Variants in PREX1 observed in about 807,000 individuals in gnomAD.
PREX1 encodes phosphatidylinositol 3,4,5-trisphosphate-dependent Rac exchanger 1 protein.
A neutral mutation model predicts 198.3 loss-of-function variants in PREX1; 41 were observed. The observed-to-expected ratio is 0.21, with a 90% CI of 0.16 to 0.27. The LOEUF is 0.27. Among genes scored for constraint, PREX1 ranks in the 10% least tolerant of loss-of-function variants. The pLI is 1.00. For missense variants in PREX1, 1,620 were observed against 2,200.7 expected, an observed-to-expected ratio of 0.74 and a Z score of 5.28; for synonymous variants, 843 against 887.2, an observed-to-expected ratio of 0.95 and a Z score of 0.89.
the PREX1 span, among the ~76,000 whole-genome samples, chr20:48,872,816 C>T: frequency 8.0e-4 from 122 of 152,158 alleles, 1 homozygote; most frequent in Non-Finnish European, 6.8e-4. Context: ...GGAAGGACAA[C>T]CTGTTCAAAC....
rs2090516053 is a variant in PREX1 at position 48,827,710 on chromosome 20, G to A, written c.151C>T (p.Leu51Phe). The A allele has an allele frequency of 1.5e-6, 2 of 1,374,994 alleles. No individual in the cohort carries two copies. Among genetic ancestry groups the A allele is most frequent in the South Asian group, 1.7e-5 (1 of 57,264 alleles). The allele number at this position is 1,374,994 out of a possible 1,614,324, so 85.2% of individuals were successfully genotyped here. The change falls in exon 1 of 40, where the codon CTC becomes TTC. Residue 51 changes from leucine (L) to phenylalanine (F), a missense_variant. Transcript: ENST00000371941. This position sits in a 1 kb window ranked among gnomAD's most constrained non-coding sequence, Gnocchi z 4.1. ...RESERQLRLR[L>F]CVLNEILGTE... ...CCCAAGATCTCGTTGAGGACGCAGA[G>A]GCGGAGGCGCAGCTGGCGCTCGGAC...
At chr20:48,696,350 T>C (rs2089845491) in intron 7 of PREX1, among the ~76,000 whole-genome samples, 1 of 152,244 alleles carries the variant, frequency 6.6e-6, no homozygotes, top group South Asian at 2.1e-4. Flanking sequence ...TTTATTGTAC[T>C]GCATTGGTGT....
chr20:48,756,313 T>C (rs1264762760), intron 1 of PREX1, among the ~76,000 whole-genome samples: 1 of 152,102 alleles, frequency 6.6e-6, no homozygotes, highest in African/African-American at 2.4e-5. Flanking sequence ...CTTCATCACG[T>C]CCATGCCAGG....
At chr20:48,770,137 G>A (rs952338989) in intron 1 of PREX1, among the ~76,000 whole-genome samples, 3 of 152,218 alleles carry the variant, frequency 2.0e-5, no homozygotes, top group African/African-American at 7.2e-5. Flanking sequence ...AAAGCCAGGT[G>A]GGAGCCATCT....
intron 1 of PREX1, among the ~76,000 whole-genome samples, chr20:48,789,098 T>C (rs1216133193): frequency 3.3e-5 from 5 of 152,180 alleles, no homozygotes; most frequent in African/African-American, 1.2e-4. Context: ...ACTCACACAT[T>C]GAGCCCCACC....
At chr20:48,672,675 T>G (rs2089684011) in intron 14 of PREX1, among the ~76,000 whole-genome samples, 1 of 152,236 alleles carries the variant, frequency 6.6e-6, no homozygotes, top group Non-Finnish European at 1.5e-5. Context: ...CCTAAGAGCC[T>G]CTGAGCTGCT....
chr20:48,699,848 C>T (rs1180859674), intron 7 of PREX1, among the ~76,000 whole-genome samples: 1 of 152,196 alleles, frequency 6.6e-6, no homozygotes. Flanking sequence ...CACATGCCCC[C>T]AGCTTTCCAT....
chr20:48,733,230 A>G (rs1204267929), intron 4 of PREX1, among the ~76,000 whole-genome samples: 1 of 152,244 alleles, frequency 6.6e-6, no homozygotes, highest in Non-Finnish European at 1.5e-5. Context: ...TGCAAATGCA[A>G]ATATACCCAG....
At chr20:48,649,855 G>T in intron 24 of PREX1, 141 bp downstream of exon 24, 2 of 1,038,086 alleles carry the variant, frequency 1.9e-6, no homozygotes, top group Non-Finnish European at 2.8e-6. Flanking sequence ...TAGAGATGCT[G>T]TCCCATAAAG....
chr20:48,656,617 G>T, intron 18 of PREX1: 1 of 450,308 alleles, frequency 2.2e-6, no homozygotes, highest in Non-Finnish European at 4.5e-6. Flanking sequence ...CATCTGCTTC[G>T]GGTCTTCACC....
chr20:48,794,994 C>A (rs1220756585), intron 1 of PREX1, among the ~76,000 whole-genome samples: 2 of 152,136 alleles, frequency 1.3e-5, no homozygotes, highest in Non-Finnish European at 2.9e-5. Context: ...ACTATTATTG[C>A]AAAATGTCAC....
chr20:48,775,458 G>A (rs2090256724), intron 1 of PREX1, among the ~76,000 whole-genome samples: 1 of 152,122 alleles, frequency 6.6e-6, no homozygotes, highest in Non-Finnish European at 1.5e-5. Flanking sequence ...TGGGCAGTGG[G>A]GCAGCAGGGG....
intron 2 of PREX1, 58 bp downstream of exon 2, chr20:48,747,744 CGGGAAGA>C: frequency 6.6e-7 from 1 of 1,507,544 alleles, no homozygotes; most frequent in Non-Finnish European, 9.1e-7. Flanking sequence ...GAGCATCGCA[CGGGAAGA>C]GCAAGGCACA....
intron 17 of PREX1, among the ~76,000 whole-genome samples, chr20:48,657,738 G>C (rs1200098928): frequency 6.6e-6 from 1 of 151,622 alleles, no homozygotes; most frequent in Non-Finnish European, 1.5e-5. Flanking sequence ...GAAGGCCCCA[G>C]GGCTGAATCC....
At chr20:48,880,423 GT>G in the PREX1 span, among the ~76,000 whole-genome samples, 5 of 152,144 alleles carry the variant, frequency 3.3e-5, no homozygotes, top group South Asian at 8.3e-4. Flanking sequence ...AGCTGATGTG[GT>G]AGCTCCACAA....
At chr20:48,795,480 G>T (rs559584212) in intron 1 of PREX1, among the ~76,000 whole-genome samples, 1 of 151,684 alleles carries the variant, frequency 6.6e-6, no homozygotes, top group African/African-American at 2.4e-5. Context: ...AACTGAGGAG[G>T]AGGGTGCTTT....
At chr20:48,809,351 G>C (rs994500827) in intron 1 of PREX1, among the ~76,000 whole-genome samples, 2 of 152,180 alleles carry the variant, frequency 1.3e-5, no homozygotes, top group African/African-American at 2.4e-5. Flanking sequence ...GGGGAGAAGA[G>C]ATGCTCCCAC....
chr20:48,887,830 G>C, the PREX1 span, among the ~76,000 whole-genome samples: 7 of 151,466 alleles, frequency 4.6e-5, no homozygotes, highest in Admixed American at 4.6e-4. Context: ...GGCTCCTGTA[G>C]TTCCAGTTCC....
At position 48,784,567 on chromosome 20, in the gene PREX1, T is replaced by C. The variant is rs112544615; in HGVS notation, c.220-36687A>G. ...GGCCTCATTTTGGTAACAATTATTCTGTGACAGTGAGGCCGTCCTGATCTG... is the reference window on the plus strand; with the variant it reads ...GGCCTCATTTTGGTAACAATTATTCCGTGACAGTGAGGCCGTCCTGATCTG... On this transcript the variant is annotated intron_variant, in intron 1 of 39. Coordinates refer to ENST00000371941, the MANE Select transcript of PREX1 (RefSeq NM_020820.4). Among the ~76,000 whole-genome samples the C allele has an allele frequency of 9.1e-3, 1,391 of 152,308 alleles. 15 individuals are homozygous for C. Among genetic ancestry groups the C allele is most frequent in the African/African-American group, 0.028 (1,158 of 41,568 alleles).
Sources: gnomAD v4.1 joint callset for allele counts (sites outside exome capture counted in the v4.1 genomes callset) on GRCh38, gnomAD v4.1.1 for gene constraint, Gnocchi (gnomAD v3.1) non-coding constraint, MANE v1.5 for transcripts, NCBI Gene and HGNC (gene_info 2026-07-23, HGNC 2026-07-21) for gene names.